The following NRXN3 variants were observed in gnomAD, a reference collection of about 807,000 sequenced individuals.
The protein encoded by NRXN3 is neurexin III.
A neutral mutation model predicts 137.6 loss-of-function variants in NRXN3; 32 were observed. The ratio of observed to expected loss-of-function variants is 0.23; its 90% confidence interval spans 0.18 to 0.31. The LOEUF (loss-of-function observed/expected upper bound fraction) is 0.31. NRXN3 is among the 10% of genes least tolerant of loss of function. The pLI is 1.00. For synonymous variants in NRXN3, 798 were observed against 784.5 expected (o/e 1.02, Z -0.29); for missense variants, 1,574 against 2,062.5 (o/e 0.76, Z 4.59).
intron 15 of NRXN3, among the ~76,000 whole-genome samples, chr14:79,212,944 T>G (rs548958428): frequency 6.6e-6 from 1 of 152,142 alleles, no homozygotes; most frequent in Non-Finnish European, 1.5e-5. Flanking sequence ...ATAGATTACT[T>G]TCATTGCATT....
intron 4 of NRXN3, among the ~76,000 whole-genome samples, chr14:78,337,643 G>C (rs2081628201): frequency 6.6e-6 from 1 of 152,122 alleles, no homozygotes; most frequent in South Asian, 2.1e-4. Context: ...CTCACCCTGT[G>C]TGTTAGGCAG....
intron 4 of NRXN3, among the ~76,000 whole-genome samples, chr14:78,606,217 G>T (rs2097251460): frequency 6.6e-6 from 1 of 152,174 alleles, no homozygotes; most frequent in South Asian, 2.1e-4. Context: ...AAATGGATTT[G>T]TGCTAAAAAT....
rs139043120 is a variant in NRXN3, at chr14:78,447,807, G to T, written c.757+149947G>T. ...TATAGAAACTTCATAAAGCAAGTGA[G>T]GCTCTTATAGCCTACCTTTCTTCAT... On this transcript the variant is annotated intron_variant, in intron 4 of 20. Transcript: ENST00000335750. Among the ~76,000 whole-genome samples the T allele has an allele frequency of 2.3e-3, 354 of 152,312 alleles. 2 individuals are homozygous for T. The highest frequency in any genetic ancestry group is 7.9e-3 in the African/African-American group (329 of 41,562).
chr14:79,408,693 C>T (rs1380291855), intron 15 of NRXN3, among the ~76,000 whole-genome samples: 1 of 152,010 alleles, frequency 6.6e-6, no homozygotes, highest in African/African-American at 2.4e-5. Context: ...GTCTCCTCCT[C>T]CAGCTCTACC....
At chr14:79,679,758 T>C (rs187271985) in intron 17 of NRXN3, among the ~76,000 whole-genome samples, 1 of 152,342 alleles carries the variant, frequency 6.6e-6, no homozygotes, top group African/African-American at 2.4e-5. Context: ...GCCAGATAAA[T>C]ATTTAACATT....
intron 1 of NRXN3, among the ~76,000 whole-genome samples, chr14:78,232,416 G>A (rs981311708): frequency 6.6e-6 from 1 of 151,978 alleles, no homozygotes; most frequent in South Asian, 2.1e-4. Flanking sequence ...TCTTGTCTGC[G>A]CCTCTCTCCC....
At chr14:79,857,653 AAATT>A (rs1333737941) in intron 20 of NRXN3, among the ~76,000 whole-genome samples, 1 of 152,192 alleles carries the variant, frequency 6.6e-6, no homozygotes, top group Non-Finnish European at 1.5e-5. Flanking sequence ...TTTAATATTA[AAATT>A]AATTACACCA....
At chr14:79,629,057 C>T (rs536860444) in intron 16 of NRXN3, among the ~76,000 whole-genome samples, 1 of 152,136 alleles carries the variant, frequency 6.6e-6, no homozygotes, top group East Asian at 1.9e-4. Flanking sequence ...AAAGTTTTTC[C>T]TCTGGAATTT....
intron 10 of NRXN3, among the ~76,000 whole-genome samples, chr14:78,823,163 C>T (rs1002844298): frequency 1.3e-5 from 2 of 152,160 alleles, no homozygotes; most frequent in African/African-American, 4.8e-5. Flanking sequence ...ATTAGAATGC[C>T]ATAATTCAAC....
At position 79,858,958 on chromosome 14, in the gene NRXN3, A is replaced by T. The variant is rs966765267; in HGVS notation, c.4094-2384A>T. ...ATTAAATAAGTTGTAAGGCATATGAATTATATATGTTCACAATGTAAAAAA... is the reference window on the plus strand; with the variant it reads ...ATTAAATAAGTTGTAAGGCATATGATTTATATATGTTCACAATGTAAAAAA... On this transcript the variant is annotated intron_variant, in intron 20 of 20. Coordinates refer to ENST00000335750, the MANE Select transcript of NRXN3 (RefSeq NM_001330195.2). Among the ~76,000 whole-genome samples, 3 of 146,702 alleles carry T rather than the reference A, an allele frequency of 2.0e-5. No homozygotes were observed. The Admixed American group carries it at 2.1e-4, about 10-fold the overall frequency.
At chr14:78,586,455 T>C (rs927306792) in intron 4 of NRXN3, among the ~76,000 whole-genome samples, 1 of 152,184 alleles carries the variant, frequency 6.6e-6, no homozygotes, top group African/African-American at 2.4e-5. Context: ...TAGCACAGGA[T>C]TGGCATAAAA....
At chr14:78,762,416 C>A (rs915254554) in intron 8 of NRXN3, among the ~76,000 whole-genome samples, 1 of 152,112 alleles carries the variant, frequency 6.6e-6, no homozygotes, top group Admixed American at 6.6e-5. Context: ...TTCTTACCAG[C>A]GGGGACTTTG....
rs893759421 is a variant in NRXN3, at chr14:79,856,809, G to A, written c.4094-4533G>A. ...ATACACTCATAAAGCAAAAAAGCCG[G>A]GAAGCCTTCAGGGCTAAAATAGACC... On this transcript the variant is annotated intron_variant, in intron 20 of 20. Transcript: ENST00000335750. 9.2e-5 allele frequency among the ~76,000 whole-genome samples: 14 copies of A among 152,118 alleles called. No individual in the cohort carries two copies. In the South Asian group the frequency reaches 1.2e-3, roughly 14 times the overall value.
At chr14:78,563,777 C>G (rs1345172399) in intron 4 of NRXN3, among the ~76,000 whole-genome samples, 1 of 152,116 alleles carries the variant, frequency 6.6e-6, no homozygotes, top group Non-Finnish European at 1.5e-5. Flanking sequence ...TCTCTTTTGC[C>G]TGCCCTTCAG....
chr14:79,594,441 A>T (rs975562082), intron 16 of NRXN3, among the ~76,000 whole-genome samples: 1 of 152,182 alleles, frequency 6.6e-6, no homozygotes, highest in South Asian at 2.1e-4. Context: ...AGTACTAGAG[A>T]TACTATAGCC....
intron 15 of NRXN3, among the ~76,000 whole-genome samples, chr14:79,066,143 C>A (rs186597289): frequency 5.5e-4 from 84 of 151,868 alleles, no homozygotes; most frequent in African/African-American, 2.0e-3. Flanking sequence ...CATTTTTTAA[C>A]CCATCTTGAG....
At chr14:78,993,534 A>G (rs1302581036) in intron 15 of NRXN3, among the ~76,000 whole-genome samples, 2 of 152,210 alleles carry the variant, frequency 1.3e-5, no homozygotes, top group Non-Finnish European at 2.9e-5. Context: ...CGAATAGGCC[A>G]TATGTAAGAA....
chr14:78,719,178 C>T (rs1441516612), intron 8 of NRXN3, among the ~76,000 whole-genome samples: 2 of 152,202 alleles, frequency 1.3e-5, no homozygotes, highest in African/African-American at 4.8e-5. Flanking sequence ...CTAAACATAT[C>T]CTGGCATTCA....
intron 16 of NRXN3, among the ~76,000 whole-genome samples, chr14:79,510,859 T>TCCAC (rs2096926067): frequency 6.6e-6 from 1 of 152,036 alleles, no homozygotes; most frequent in African/African-American, 2.4e-5. Context: ...CTACGAGTAA[T>TCCAC]TAAAAATAAC....
Sources: gnomAD v4.1 joint callset for allele counts (sites outside exome capture counted in the v4.1 genomes callset) on GRCh38, gnomAD v4.1.1 for gene constraint, MANE v1.5 for transcripts, NCBI Gene and HGNC (gene_info 2026-07-23, HGNC 2026-07-21) for gene names.